GLRA2: variants seen among roughly 807,000 people sequenced by gnomAD.
GLRA2 encodes glycine receptor alpha 2.
GLRA2 carries 11 observed loss-of-function variants against 31.6 expected under a neutral mutation model. That is an observed-to-expected ratio of 0.35 (90% CI 0.22 to 0.58). GLRA2 has a LOEUF of 0.58. Ranked by LOEUF, GLRA2 falls within the 20% of genes least tolerant of loss-of-function variation. The pLI, the probability that GLRA2 is intolerant of heterozygous loss-of-function variation, is 0.84. For synonymous variants in GLRA2, 132 were observed against 134.0 expected (o/e 0.99, Z 0.10); for missense variants, 212 against 351.8 (o/e 0.60, Z 3.18).
intron 4 of GLRA2, among the ~76,000 whole-genome samples, chrX:14,587,989 A>G (rs950392069): frequency 9.3e-6 from 1 of 107,386 alleles, no homozygotes; most frequent in African/African-American, 3.4e-5. Flanking sequence ...CTCACTGACA[A>G]CTCCATTCCT....
chrX:14,532,283 C>T lies in GLRA2; in HGVS notation c.113C>T (p.Pro38Leu), dbSNP rs779420630. 2 of 1,182,275 alleles carry T rather than the reference C, an allele frequency of 1.7e-6. No individual in the cohort carries two copies. The highest frequency in any genetic ancestry group is 1.1e-6 in the Non-Finnish European group (1 of 872,043). ...CATGACTCCAGGTCTGGAAAACAAC[C>T]TTCACAGACCCTATCTCCTTCAGAT... ...KDHDSRSGKQ[P>L]SQTLSPSDFL... Residue 38 changes from proline to leucine, a missense_variant, in exon 2 of 9, where the codon CCT becomes CTT. Physicochemically the swap from Pro to Leu is moderately conservative, Grantham distance 98. This residue lies in a region of GLRA2 where 33 missense variants were observed against 27.7 expected (regional missense o/e 1.19). Coordinates refer to ENST00000218075, the MANE Select transcript of GLRA2 (RefSeq NM_002063.4).
intron 2 of GLRA2, among the ~76,000 whole-genome samples, chrX:14,550,464 C>T (rs2089545413): frequency 9.1e-6 from 1 of 109,901 alleles, no homozygotes; most frequent in Non-Finnish European, 1.9e-5. Flanking sequence ...ATAAGTTTTA[C>T]AGGTGGAGGG....
At chrX:14,632,677 G>A (rs1011985639) in intron 7 of GLRA2, among the ~76,000 whole-genome samples, 1 of 111,131 alleles carries the variant, frequency 9.0e-6, no homozygotes, top group Non-Finnish European at 1.9e-5. Flanking sequence ...ACTGTAGACT[G>A]CTTTGGGGGG....
intron 4 of GLRA2, among the ~76,000 whole-genome samples, chrX:14,584,339 T>C (rs1183687032): frequency 3.6e-5 from 4 of 111,832 alleles, no homozygotes; most frequent in Non-Finnish European, 7.5e-5. Flanking sequence ...AGACAGTACA[T>C]TGAATAAAGT....
intron 5 of GLRA2, 26 bp downstream of exon 5, chrX:14,604,423 C>T: frequency 3.3e-6 from 3 of 920,915 alleles, no homozygotes; most frequent in South Asian, 4.0e-5. Flanking sequence ...TGAAATGACT[C>T]CCTGCTTGTT....
chrX:14,588,953 T>C (rs916612877), intron 4 of GLRA2, among the ~76,000 whole-genome samples: 14 of 112,313 alleles, frequency 1.2e-4, no homozygotes, highest in African/African-American at 4.5e-4. Flanking sequence ...ACTAAAGTCA[T>C]TTATCAATTT....
rs149452746 is a variant in GLRA2, at chrX:14,594,077, C to G, written c.495-10238C>G. Among the ~76,000 whole-genome samples, 394 of 112,036 alleles carry G rather than the reference C, an allele frequency of 3.5e-3. 2 individuals carry two copies. The highest frequency in any genetic ancestry group is 0.012 in the African/African-American group (378 of 30,877). On this transcript the variant is annotated intron_variant, in intron 4 of 8. Coordinates refer to ENST00000218075, the MANE Select transcript of GLRA2 (RefSeq NM_002063.4). ...AACTCCATTCTCTCTCCAAACTTTG[C>G]CACCAGAAACAGTGGTCAGTAAGTC...
intron 4 of GLRA2, among the ~76,000 whole-genome samples, chrX:14,589,650 A>G (rs1242283318): frequency 9.4e-5 from 10 of 105,953 alleles, no homozygotes; most frequent in African/African-American, 3.4e-4. Flanking sequence ...CAGCCTGGGC[A>G]ACAGAGCGAG....
the GLRA2 span, among the ~76,000 whole-genome samples, chrX:14,496,764 C>T: frequency 8.9e-6 from 1 of 111,749 alleles, no homozygotes; most frequent in African/African-American, 3.2e-5. Context: ...TCAGTCACAT[C>T]CTCAAAGGAG....
rs765218567 is a variant in GLRA2 at position 14,556,031 on chromosome X, G to A, written c.203-18302G>A. Among the ~76,000 whole-genome samples, 483 of 111,552 alleles carry A rather than the reference G, an allele frequency of 4.3e-3. 3 individuals are homozygous for A. Among genetic ancestry groups the A allele is most frequent in the Non-Finnish European group, 5.7e-3 (300 of 53,066 alleles). ...TAAGATAAGGGTTATAGGGTTATAGGAATGCTAGGAAAGATGATATTCATA... is the reference window on the plus strand; with the variant it reads ...TAAGATAAGGGTTATAGGGTTATAGAAATGCTAGGAAAGATGATATTCATA... On this transcript the variant is annotated intron_variant, in intron 2 of 8. Coordinates refer to ENST00000218075, the MANE Select transcript of GLRA2 (RefSeq NM_002063.4).
rs181645729 is a variant in GLRA2, at chrX:14,555,661, T to C, written c.203-18672T>C. ...GAGTGCTCTGGAGAGATAAACAGAA[T>C]TGGCTTCTGATCTCATAGGTTTAGC... On this transcript the variant is annotated intron_variant, in intron 2 of 8. Coordinates refer to ENST00000218075, the MANE Select transcript of GLRA2 (RefSeq NM_002063.4). Among the ~76,000 whole-genome samples, 30 of 112,330 alleles carry C rather than the reference T, an allele frequency of 2.7e-4. No homozygotes were observed. In the East Asian group the frequency reaches 7.3e-3, roughly 27 times the overall value.
At chrX:14,695,764 T>A (rs1034481293) in intron 8 of GLRA2, among the ~76,000 whole-genome samples, 4 of 112,013 alleles carry the variant, frequency 3.6e-5, no homozygotes. Context: ...GCTCCTATCA[T>A]GTCCATGAAT....
chrX:14,467,345 A>G, the GLRA2 span, among the ~76,000 whole-genome samples: 2 of 112,040 alleles, frequency 1.8e-5, no homozygotes, highest in African/African-American at 6.5e-5. Context: ...GAGTAGTACT[A>G]TGTGGGACCT....
intron 7 of GLRA2, among the ~76,000 whole-genome samples, chrX:14,633,235 C>T (rs1294452492): frequency 8.9e-6 from 1 of 111,994 alleles, no homozygotes; most frequent in Non-Finnish European, 1.9e-5. Context: ...GCACCTCACG[C>T]CTATAATCCC....
intron 2 of GLRA2, among the ~76,000 whole-genome samples, chrX:14,565,155 C>G (rs1206350920): frequency 1.8e-5 from 2 of 111,743 alleles, no homozygotes; most frequent in South Asian, 3.7e-4. Context: ...GGATTAAACA[C>G]CCTAATCAAA....
At chrX:14,574,920 GT>G (rs1160747432) in intron 3 of GLRA2, among the ~76,000 whole-genome samples, 1 of 110,711 alleles carries the variant, frequency 9.0e-6, no homozygotes, top group Non-Finnish European at 1.9e-5. Flanking sequence ...AGTATAGCCA[GT>G]TTTTTACATG....
chrX:14,495,758 G>T, the GLRA2 span, among the ~76,000 whole-genome samples: 3 of 109,118 alleles, frequency 2.7e-5, no homozygotes, highest in Admixed American at 3.0e-4. Context: ...CTGTTTTATA[G>T]ATAAGAATCT....
chrX:14,449,985 C>T, the GLRA2 span, among the ~76,000 whole-genome samples: 2 of 111,931 alleles, frequency 1.8e-5, no homozygotes, highest in Non-Finnish European at 3.8e-5. Context: ...GCCACAGATA[C>T]TGCCTCAGGG....
At chrX:14,470,307 A>G in the GLRA2 span, among the ~76,000 whole-genome samples, 1 of 112,076 alleles carries the variant, frequency 8.9e-6, no homozygotes, top group Non-Finnish European at 1.9e-5. Context: ...TCAGATACAT[A>G]ATTCTTAGTA....
Sources: allele counts gnomAD v4.1 joint callset (sites outside exome capture counted in the v4.1 genomes callset), GRCh38; gene constraint gnomAD v4.1.1; regional missense constraint gnomAD v4.1.1; transcripts MANE v1.5; gene names NCBI Gene and HGNC (gene_info 2026-07-23, HGNC 2026-07-21).